Variants in MAST4 observed in about 807,000 individuals in gnomAD.
The protein encoded by MAST4 is microtubule-associated serine/threonine-protein kinase 4.
MAST4 carries 89 observed loss-of-function variants against 162.7 expected under a neutral mutation model. That is an observed-to-expected ratio of 0.55 (90% confidence interval 0.46 to 0.65). The LOEUF is 0.65. MAST4 is among the 30% of genes least tolerant of loss of function. The pLI is 0.00. For synonymous variants in MAST4, 1,479 were observed against 1,361.1 expected, an observed-to-expected ratio of 1.09 and a Z score of -1.91; for missense variants, 3,153 against 3,374.0, an observed-to-expected ratio of 0.93 and a Z score of 1.62.
chr5:66,993,933 C>A (rs1750340029), intron 4 of MAST4, among the ~76,000 whole-genome samples: 1 of 109,888 alleles, frequency 9.1e-6, no homozygotes, highest in African/African-American at 3.6e-5. Context: ...CCCCCCCCCA[C>A]CCCACCAAAT....
chr5:66,843,953 A>C (rs371970769), intron 3 of MAST4, among the ~76,000 whole-genome samples: 6 of 151,914 alleles, frequency 3.9e-5, no homozygotes, highest in Admixed American at 3.9e-4. Flanking sequence ...GCTCAGATGG[A>C]TGTGCTGGCG....
intron 10 of MAST4, among the ~76,000 whole-genome samples, chr5:67,107,758 A>G (rs1765757902): frequency 1.3e-5 from 2 of 152,236 alleles, no homozygotes; most frequent in African/African-American, 4.8e-5. Flanking sequence ...TGAAGTCCTG[A>G]GGCCTAAGAC....
At chr5:66,842,394 T>C (rs1758491508) in intron 3 of MAST4, among the ~76,000 whole-genome samples, 1 of 152,120 alleles carries the variant, frequency 6.6e-6, no homozygotes, top group South Asian at 2.1e-4. Flanking sequence ...TGGAAAAATG[T>C]TTTGATGTGT....
intron 1 of MAST4, among the ~76,000 whole-genome samples, chr5:66,708,215 G>C (rs1396299805): frequency 6.6e-6 from 1 of 152,190 alleles, no homozygotes; most frequent in Non-Finnish European, 1.5e-5. Context: ...GGGACTTGGA[G>C]TTGGAAGATG....
intron 1 of MAST4, among the ~76,000 whole-genome samples, chr5:66,709,426 C>G (rs1750352065): frequency 6.6e-6 from 1 of 152,114 alleles, no homozygotes; most frequent in African/African-American, 2.4e-5. Flanking sequence ...AGCAATCTTC[C>G]TGACTCAGCC....
rs59043309 is a variant in MAST4 at position 66,951,598 on chromosome 5, ATGTGTGTGTGTGTGTGTGTGTGTG to A, written c.674+51648_674+51671del. ...AGGCCATTATTTTGCCTCCCATGATATGTGTGTGTGTGTGTGTGTGTGTGTGTGTGTGTGTGTGTGTGTGTGTGT... is the reference window on the plus strand; with the variant it reads ...AGGCCATTATTTTGCCTCCCATGATATGTGTGTGTGTGTGTGTGTGTGTGT... On this transcript the variant is annotated intron_variant, in intron 4 of 28. Coordinates refer to ENST00000403625, the MANE Select transcript of MAST4 (RefSeq NM_001164664.2). Among the ~76,000 whole-genome samples, 152 of 122,418 alleles carry A rather than the reference ATGTGTGTGTGTGTGTGTGTGTGTG, an allele frequency of 1.2e-3. 1 individual carries two copies. The highest frequency in any genetic ancestry group is 3.6e-3 in the African/African-American group (121 of 33,472). The allele number at this position is 122,418 out of a possible 152,430, so 80.3% of individuals were successfully genotyped here.
intron 4 of MAST4, among the ~76,000 whole-genome samples, chr5:66,911,117 T>G (rs1763728343): frequency 6.6e-6 from 1 of 152,160 alleles, no homozygotes; most frequent in South Asian, 2.1e-4. Context: ...TTCCCATGCT[T>G]AAGTACAGGA....
At chr5:66,626,095 A>G (rs1744409585) in intron 1 of MAST4, among the ~76,000 whole-genome samples, 2 of 152,214 alleles carry the variant, frequency 1.3e-5, no homozygotes, top group South Asian at 2.1e-4. Context: ...TCTAAAATGT[A>G]TAGAAGCAGA....
chr5:66,973,836 CAAAT>C (rs1355301218), intron 4 of MAST4, among the ~76,000 whole-genome samples: 1 of 152,160 alleles, frequency 6.6e-6, no homozygotes, highest in Non-Finnish European at 1.5e-5. Context: ...AAATGGAAGA[CAAAT>C]ACATATTTGA....
chr5:66,715,611 G>A (rs1197571605), intron 1 of MAST4, among the ~76,000 whole-genome samples: 1 of 150,248 alleles, frequency 6.7e-6, no homozygotes, highest in Non-Finnish European at 1.5e-5. Flanking sequence ...CATGGCACAT[G>A]TATACATATA....
chr5:66,775,722 C>T (rs1754570364), intron 2 of MAST4, among the ~76,000 whole-genome samples: 1 of 152,050 alleles, frequency 6.6e-6, no homozygotes, highest in South Asian at 2.1e-4. Context: ...ATTAACTTTC[C>T]TCATAAGGGA....
chr5:66,795,369 A>G (rs371825649), intron 3 of MAST4, among the ~76,000 whole-genome samples: 1 of 152,186 alleles, frequency 6.6e-6, no homozygotes, highest in East Asian at 1.9e-4. Context: ...ATTTTAAATA[A>G]GTCCTTATTC....
chr5:66,987,455 C>CTT (rs534150768), intron 4 of MAST4, among the ~76,000 whole-genome samples: 351 of 147,696 alleles, frequency 2.4e-3, no homozygotes, highest in Non-Finnish European at 3.2e-3. Context: ...TTTTTTTCTA[C>CTT]TTTTTTTTTT....
chr5:66,838,825 G>C (rs71626445), intron 3 of MAST4, among the ~76,000 whole-genome samples: 15,317 of 152,262 alleles, frequency 0.1, 1,038 homozygotes, highest in Admixed American at 0.15. Context: ...GAAGCAGGAA[G>C]TGTTTAGCAG....
At chr5:67,114,339 A>G (rs552352716) in intron 12 of MAST4, 120 bp downstream of exon 12, 41 of 1,207,012 alleles carry the variant, frequency 3.4e-5, no homozygotes, top group African/African-American at 1.1e-4. Flanking sequence ...TGATAAGTCC[A>G]TATTTGGGGA....
chr5:66,718,013 T>C (rs1209807555), intron 1 of MAST4, among the ~76,000 whole-genome samples: 2 of 152,130 alleles, frequency 1.3e-5, no homozygotes, highest in African/African-American at 4.8e-5. Context: ...GGACTGCGTT[T>C]CAGCTGTGAC....
At chr5:66,860,064 G>T (rs778166104) in intron 3 of MAST4, among the ~76,000 whole-genome samples, 1 of 152,196 alleles carries the variant, frequency 6.6e-6, no homozygotes, top group Non-Finnish European at 1.5e-5. Context: ...TATGACTAAG[G>T]AGAGGCTCTT....
intron 4 of MAST4, among the ~76,000 whole-genome samples, chr5:66,987,116 G>GTT (rs372566335): frequency 1.3e-5 from 2 of 151,298 alleles, no homozygotes; most frequent in Non-Finnish European, 2.9e-5. Context: ...TTTAGCTGAG[G>GTT]TTTTTTTTTA....
At chr5:66,966,301 C>G (rs1170966469) in intron 4 of MAST4, among the ~76,000 whole-genome samples, 1 of 152,100 alleles carries the variant, frequency 6.6e-6, no homozygotes, top group Non-Finnish European at 1.5e-5. Context: ...TCCCCAGTGC[C>G]TCACTCTGTA....
Sources: gnomAD v4.1 joint callset for allele counts (sites outside exome capture counted in the v4.1 genomes callset) on GRCh38, gnomAD v4.1.1 for gene constraint, MANE v1.5 for transcripts, NCBI Gene and HGNC (gene_info 2026-07-23, HGNC 2026-07-21) for gene names.